Variants in SSX7 observed in about 807,000 individuals in gnomAD.
SSX7 encodes the protein SSX family member 7, also known as protein SSX7.
In SSX7, 15 loss-of-function variants were observed where a neutral mutation model predicts 14.7. The ratio of observed to expected loss-of-function variants is 1.02; its 90% CI spans 0.68 to 1.58. The LOEUF is 1.58. Ranked by LOEUF, SSX7 falls within the 40% of genes most tolerant of loss-of-function variation. The pLI is 0.00. For missense variants in SSX7, 178 were observed against 146.8 expected, an observed-to-expected ratio of 1.21 and a Z score of -1.10; for synonymous variants, 46 against 50.6, an observed-to-expected ratio of 0.91 and a Z score of 0.38.
chrX:52,649,629 G>T (rs781851563), intron 5 of SSX7, among the ~76,000 whole-genome samples: 7 of 111,278 alleles, frequency 6.3e-5, no homozygotes, highest in Middle Eastern at 4.7e-3. Flanking sequence ...TGCAGACAAG[G>T]TCCTCAAGGA....
chrX:52,654,257 AACAC>A (rs782506103), intron 1 of SSX7, among the ~76,000 whole-genome samples: 4 of 106,833 alleles, frequency 3.7e-5, no homozygotes, highest in Admixed American at 2.0e-4. Context: ...ACAACAACAA[AACAC>A]ACACACACAC....
At position 52,644,562 on chromosome X, in the gene SSX7, G is replaced by T. The variant is rs1925172343; in HGVS notation, c.*113C>A. On this transcript the variant is annotated 3_prime_UTR_variant, in exon 8 of 8. Coordinates refer to ENST00000298181, the MANE Select transcript of SSX7 (RefSeq NM_173358.2). ...CAACTTTTCACTGTTGTGAACACTT[G>T]CTTTCACTTGCTATGCACCTGATGA... 1 of 1,102,579 alleles carries T rather than the reference G, an allele frequency of 9.1e-7. No homozygotes were observed. The highest frequency in any genetic ancestry group is 1.8e-5 in the African/African-American group (1 of 55,581). 90.9% of individuals were successfully genotyped at this position (1,102,579 alleles called of 1,213,427 possible). A position where few individuals can be genotyped will look rare whatever the true frequency, so the allele number is the denominator to read the frequency against.
chrX:52,649,480 C>T (rs1292833603), intron 5 of SSX7, among the ~76,000 whole-genome samples: 3 of 112,010 alleles, frequency 2.7e-5, no homozygotes, highest in Non-Finnish European at 3.8e-5. Context: ...TCCTTCAATT[C>T]GGTCTCCACA....
intron 2 of SSX7, 109 bp from the exon 3 acceptor site, chrX:52,653,093 T>C (rs1925494531): frequency 8.5e-7 from 1 of 1,171,353 alleles, no homozygotes; most frequent in Non-Finnish European, 1.1e-6. Context: ...GATGATGCCA[T>C]GGCTAACCGA....
At chrX:52,647,462 G>A (rs1246550351) in intron 6 of SSX7, among the ~76,000 whole-genome samples, 1 of 112,241 alleles carries the variant, frequency 8.9e-6, no homozygotes, top group Non-Finnish European at 1.9e-5. Flanking sequence ...GTAAAATGCT[G>A]TCCATAGCAT....
chrX:52,646,922 A>G (rs1925269837), intron 6 of SSX7, among the ~76,000 whole-genome samples: 1 of 112,620 alleles, frequency 8.9e-6, no homozygotes, highest in South Asian at 3.7e-4. Context: ...CTGTGAATGC[A>G]AAGGAAAAGT....
chrX:52,644,710 T>C, intron 7 of SSX7, 40 bp from the exon 8 acceptor site: 2 of 1,176,792 alleles, frequency 1.7e-6, no homozygotes, highest in Admixed American at 2.2e-5. Context: ...TGGCAGTGAG[T>C]TCCCACCACG....
intron 7 of SSX7, among the ~76,000 whole-genome samples, 161 bp downstream of exon 7, chrX:52,645,278 A>AG (rs1925202439): frequency 9.1e-6 from 1 of 110,048 alleles, no homozygotes; most frequent in African/African-American, 3.3e-5. Flanking sequence ...CAAAAAAAAA[A>AG]AAAAAACGTG....
chrX:52,647,073 T>A (rs1386902177), intron 6 of SSX7, among the ~76,000 whole-genome samples: 1 of 112,403 alleles, frequency 8.9e-6, no homozygotes, highest in Non-Finnish European at 1.9e-5. Flanking sequence ...GTCAGGATAT[T>A]TGATGAAACC....
At position 52,650,417 on chromosome X, in the gene SSX7, A is replaced by G; in HGVS notation, c.281-15T>C. 8.3e-7 allele frequency: 1 copy of G among 1,206,330 alleles called. No homozygotes were observed. Among genetic ancestry groups the G allele is most frequent in the Non-Finnish European group, 1.1e-6 (1 of 891,286 alleles). The stretch of plus-strand genomic sequence containing the variant: ...AGGACGTTCAACTGAAAGAGAATAT[A>G]TCAGAATTTTTCTTTGTTGGTAAAG... On this transcript the variant is annotated splice_polypyrimidine_tract_variant and intron_variant, in intron 4 of 7. Coordinates refer to ENST00000298181, the MANE Select transcript of SSX7 (RefSeq NM_173358.2).
At chrX:52,645,614 A>C in intron 6 of SSX7, 71 bp from the exon 7 acceptor site, 1 of 910,094 alleles carries the variant, frequency 1.1e-6, no homozygotes, top group South Asian at 2.5e-5. Flanking sequence ...TTTCTCAAAA[A>C]AAGGAGATGC....
intron 7 of SSX7, among the ~76,000 whole-genome samples, 198 bp downstream of exon 7, chrX:52,645,241 A>G (rs1261072840): frequency 9.3e-6 from 1 of 107,432 alleles, no homozygotes; most frequent in Admixed American, 1.0e-4. Context: ...GCTGCACTGC[A>G]GCCTGGGCCA....
At position 52,645,556 on chromosome X, in the gene SSX7, A is replaced by G. The variant is rs1556766254; in HGVS notation, c.467-13T>C. On this transcript the variant is annotated splice_polypyrimidine_tract_variant and intron_variant, in intron 6 of 7. Coordinates refer to ENST00000298181, the MANE Select transcript of SSX7 (RefSeq NM_173358.2). ...CCCCTTTTGGGTCCTGTGATGGAGAATAGTTGGAAAGTGAGGGTTGGGTAG... is the reference window on the plus strand; with the variant it reads ...CCCCTTTTGGGTCCTGTGATGGAGAGTAGTTGGAAAGTGAGGGTTGGGTAG... The G allele has an allele frequency of 9.3e-6, 11 of 1,182,507 alleles. No homozygotes were observed. Among genetic ancestry groups the G allele is most frequent in the Admixed American group, 2.2e-5 (1 of 44,699 alleles).
At chrX:52,644,937 G>C (rs1556766150) in intron 7 of SSX7, among the ~76,000 whole-genome samples, 1 of 111,259 alleles carries the variant, frequency 9.0e-6, no homozygotes, top group African/African-American at 3.3e-5. Context: ...AGCATCCTGG[G>C]TAGGGAGCAT....
intron 6 of SSX7, among the ~76,000 whole-genome samples, chrX:52,646,589 G>A (rs1393967119): frequency 1.8e-5 from 2 of 111,648 alleles, no homozygotes; most frequent in South Asian, 7.6e-4. Context: ...CTGTGTAATT[G>A]TTTGGGGGGT....
rs782660984 is a variant in SSX7 at position 52,646,414 on chromosome X, G to A, written c.467-871C>T. Among the ~76,000 whole-genome samples, 5 of 112,784 alleles carry A rather than the reference G, an allele frequency of 4.4e-5. No homozygotes were observed. The East Asian group carries it at 8.3e-4, about 19-fold the overall frequency. ...GTAGGTGTATATACTTATGGGGTACGTGAGATGTTTTGATACACGCATGCC... is the reference window on the plus strand; with the variant it reads ...GTAGGTGTATATACTTATGGGGTACATGAGATGTTTTGATACACGCATGCC... On this transcript the variant is annotated intron_variant, in intron 6 of 7. Coordinates refer to ENST00000298181, the MANE Select transcript of SSX7 (RefSeq NM_173358.2).
chrX:52,645,268 CAA>C (rs879961299), intron 7 of SSX7, among the ~76,000 whole-genome samples, 169 bp downstream of exon 7: 1,992 of 66,342 alleles, frequency 0.03, 25 homozygotes, highest in Middle Eastern at 0.15. Context: ...GCGAATCCGT[CAA>C]AAAAAAAAAA....
chrX:52,649,506 C>A (rs1299053596), intron 5 of SSX7, among the ~76,000 whole-genome samples: 1 of 112,016 alleles, frequency 8.9e-6, no homozygotes, highest in African/African-American at 3.2e-5. Flanking sequence ...AACCCAACTC[C>A]CAGATCCCTT....
rs781842234 is a variant in SSX7 at position 52,648,656 on chromosome X, C to G, written c.331-260G>C. On this transcript the variant is annotated intron_variant, in intron 5 of 7. Coordinates refer to ENST00000298181, the MANE Select transcript of SSX7 (RefSeq NM_173358.2). ...CTTGCAAACAGTAAAAATCTCCATG[C>G]AATTGAGAGTTTGGTATACAAAAGA... Among the ~76,000 whole-genome samples the G allele has an allele frequency of 3.6e-5, 4 of 111,470 alleles. No homozygotes were observed. The South Asian group carries it at 1.1e-3, about 32-fold the overall frequency.
Sources: gnomAD v4.1 joint callset for allele counts (sites outside exome capture counted in the v4.1 genomes callset) on GRCh38, gnomAD v4.1.1 for gene constraint, MANE v1.5 for transcripts, NCBI Gene and HGNC (gene_info 2026-07-23, HGNC 2026-07-21) for gene names.